The following ABTB3 variants were observed in gnomAD, a reference collection of about 807,000 sequenced individuals.
ABTB3 encodes ankyrin repeat and BTB domain containing 3.
the ABTB3 span, among the ~76,000 whole-genome samples, chr12:107,492,262 C>G: frequency 1.3e-5 from 2 of 151,862 alleles, no homozygotes; most frequent in East Asian, 1.9e-4. Flanking sequence ...GTGTTCACCT[C>G]CACTGACTGG....
At chr12:107,405,479 T>C in the ABTB3 span, among the ~76,000 whole-genome samples, 1 of 151,094 alleles carries the variant, frequency 6.6e-6, no homozygotes, top group Non-Finnish European at 1.5e-5. Flanking sequence ...CTCCTTTCTA[T>C]AGCTTCATCC....
chr12:107,416,287 C>T, the ABTB3 span, among the ~76,000 whole-genome samples: 9 of 152,276 alleles, frequency 5.9e-5, no homozygotes, highest in African/African-American at 1.2e-4. Flanking sequence ...GTATTGAACA[C>T]GTATGCTCTT....
At chr12:107,456,664 C>T in the ABTB3 span, among the ~76,000 whole-genome samples, 1 of 151,888 alleles carries the variant, frequency 6.6e-6, no homozygotes, top group South Asian at 2.1e-4. Context: ...TGAATTATCC[C>T]AAAACCATCC....
At chr12:107,600,952 T>C in the ABTB3 span, among the ~76,000 whole-genome samples, 1 of 152,164 alleles carries the variant, frequency 6.6e-6, no homozygotes, top group Non-Finnish European at 1.5e-5. Flanking sequence ...TGGAGGATTG[T>C]GTGGCTGAAG....
At chr12:107,446,512 A>G in the ABTB3 span, among the ~76,000 whole-genome samples, 1 of 152,156 alleles carries the variant, frequency 6.6e-6, no homozygotes, top group Admixed American at 6.5e-5. Context: ...ACAGCAACAC[A>G]CTTAAGGACC....
the ABTB3 span, among the ~76,000 whole-genome samples, chr12:107,636,746 C>T: frequency 3.3e-5 from 5 of 152,132 alleles, no homozygotes; most frequent in African/African-American, 1.2e-4. Flanking sequence ...GTTATCAGGG[C>T]AACACGTTAT....
the ABTB3 span, among the ~76,000 whole-genome samples, chr12:107,474,433 C>T: frequency 6.6e-6 from 1 of 152,192 alleles, no homozygotes; most frequent in African/African-American, 2.4e-5. Flanking sequence ...CTGCTCCAAA[C>T]AGCGGGCTCT....
the ABTB3 span, among the ~76,000 whole-genome samples, chr12:107,326,340 T>C: frequency 6.6e-6 from 1 of 152,188 alleles, no homozygotes; most frequent in Non-Finnish European, 1.5e-5. Flanking sequence ...GGTACCAAGC[T>C]TGATTAATGG....
the ABTB3 span, among the ~76,000 whole-genome samples, chr12:107,404,703 T>G: frequency 6.6e-6 from 1 of 152,194 alleles, no homozygotes; most frequent in Non-Finnish European, 1.5e-5. Context: ...GGTGCTCTGC[T>G]GCTTGTTCGA....
chr12:107,653,734 A>G, the ABTB3 span, among the ~76,000 whole-genome samples: 1 of 152,144 alleles, frequency 6.6e-6, no homozygotes, highest in African/African-American at 2.4e-5. Context: ...AGGTGAAGTA[A>G]TTTGCTTAAG....
chr12:107,423,466 G>A, the ABTB3 span, among the ~76,000 whole-genome samples: 35 of 152,128 alleles, frequency 2.3e-4, no homozygotes, highest in Non-Finnish European at 3.1e-4. Flanking sequence ...GCGGAAAGTC[G>A]TACAGTATTT....
At chr12:107,356,211 G>A in the ABTB3 span, among the ~76,000 whole-genome samples, 1 of 152,202 alleles carries the variant, frequency 6.6e-6, no homozygotes, top group Admixed American at 6.5e-5. Flanking sequence ...TTCGTCATAG[G>A]TAGGCTGTGT....
chr12:107,421,139 T>C, the ABTB3 span, among the ~76,000 whole-genome samples: 2 of 152,208 alleles, frequency 1.3e-5, no homozygotes, highest in African/African-American at 4.8e-5. Context: ...CAAGAGAAGG[T>C]GCAAGAATAG....
the ABTB3 span, among the ~76,000 whole-genome samples, chr12:107,330,454 T>TA: frequency 6.6e-6 from 1 of 152,204 alleles, no homozygotes; most frequent in Non-Finnish European, 1.5e-5. Flanking sequence ...AGACAATAAG[T>TA]AGAGAACTCA....
chr12:107,473,967 A>G, the ABTB3 span, among the ~76,000 whole-genome samples: 1 of 151,850 alleles, frequency 6.6e-6, no homozygotes, highest in African/African-American at 2.4e-5. Flanking sequence ...TATTTGTAGT[A>G]GAGACAGGGT....
chr12:107,348,559 C>T, the ABTB3 span, among the ~76,000 whole-genome samples: 1 of 152,084 alleles, frequency 6.6e-6, no homozygotes, highest in Non-Finnish European at 1.5e-5. Flanking sequence ...CCTATCTCTA[C>T]AAAGAAAATT....
the ABTB3 span, among the ~76,000 whole-genome samples, chr12:107,587,116 C>T: frequency 1.3e-5 from 2 of 152,258 alleles, no homozygotes; most frequent in African/African-American, 4.8e-5. Flanking sequence ...GGAGCACCCA[C>T]TGTGGGCTGG....
the ABTB3 span, among the ~76,000 whole-genome samples, chr12:107,468,416 CA>C: frequency 4.6e-5 from 7 of 152,150 alleles, no homozygotes; most frequent in Non-Finnish European, 8.8e-5. Flanking sequence ...AGGAGACCAC[CA>C]GGGCCACAGG....
chr12:107,498,654 A>C, the ABTB3 span, among the ~76,000 whole-genome samples: 1 of 152,070 alleles, frequency 6.6e-6, no homozygotes, highest in Admixed American at 6.6e-5. Flanking sequence ...CATCACTCTG[A>C]CACTGAATCC....
Sources: gnomAD v4.1 joint callset for allele counts (sites outside exome capture counted in the v4.1 genomes callset) on GRCh38, gnomAD v4.1.1 for gene constraint, MANE v1.5 for transcripts, NCBI Gene and HGNC (gene_info 2026-07-23, HGNC 2026-07-21) for gene names.